OSBPL10: variants seen among roughly 807,000 people sequenced by gnomAD.
The protein encoded by OSBPL10 is oxysterol-binding protein-related protein 10.
Under a neutral mutation model 81.7 loss-of-function variants are expected in OSBPL10, and 49 were observed. That is an observed-to-expected ratio of 0.60 (90% CI 0.48 to 0.76). The LOEUF (loss-of-function observed/expected upper bound fraction) is 0.76, where lower values mean the gene tolerates loss of function less well. Among genes scored for constraint, OSBPL10 ranks in the 30% least tolerant of loss-of-function variants. The probability of loss-of-function intolerance (pLI) is 0.00; values close to 1 mark genes in which losing one functional copy is unlikely to be tolerated. For synonymous variants in OSBPL10, 419 were observed against 383.6 expected (o/e 1.09, Z -1.08); for missense variants, 923 against 987.8 (o/e 0.93, Z 0.88).
intron 1 of OSBPL10, among the ~76,000 whole-genome samples, chr3:31,933,078 A>T (rs1697292296): frequency 6.6e-6 from 1 of 152,214 alleles, no homozygotes; most frequent in Admixed American, 6.5e-5. Context: ...AGCAACTCAG[A>T]AGAGTTTAAA....
chr3:31,685,225 C>T (rs1416930411), intron 7 of OSBPL10, among the ~76,000 whole-genome samples: 1 of 152,174 alleles, frequency 6.6e-6, no homozygotes, highest in South Asian at 2.1e-4. Context: ...TGTTTTGAGA[C>T]AGAGTCACCT....
intron 7 of OSBPL10, among the ~76,000 whole-genome samples, chr3:31,690,153 C>T (rs1024425260): frequency 4.6e-5 from 7 of 152,166 alleles, no homozygotes; most frequent in East Asian, 3.9e-4. Flanking sequence ...GTGTTGGAGA[C>T]GGGGCCTGAT....
intron 7 of OSBPL10, among the ~76,000 whole-genome samples, chr3:31,697,462 T>G (rs1381280700): frequency 6.6e-6 from 1 of 151,978 alleles, no homozygotes; most frequent in Non-Finnish European, 1.5e-5. Flanking sequence ...CAATTAATAA[T>G]AAAACAATAA....
chr3:31,947,931 T>C (rs1697748382), intron 1 of OSBPL10, among the ~76,000 whole-genome samples: 1 of 151,356 alleles, frequency 6.6e-6, no homozygotes, highest in Non-Finnish European at 1.5e-5. Context: ...AAGTAAACTG[T>C]ACAAAGTTTG....
At chr3:31,775,701 C>T (rs534429350) in intron 4 of OSBPL10, among the ~76,000 whole-genome samples, 11 of 151,866 alleles carry the variant, frequency 7.2e-5, no homozygotes, top group African/African-American at 2.2e-4. Context: ...CACAGTGTGA[C>T]GATGACAGGA....
At chr3:31,760,119 T>G (rs1475307850) in intron 4 of OSBPL10, among the ~76,000 whole-genome samples, 4 of 152,286 alleles carry the variant, frequency 2.6e-5, no homozygotes, top group African/African-American at 9.6e-5. Context: ...ATTCATTAAG[T>G]GGAAGTGAAT....
chr3:31,822,227 G>A (rs575805523), intron 4 of OSBPL10: 2 of 152,298 alleles, frequency 1.3e-5, no homozygotes, highest in African/African-American at 2.4e-5. Context: ...GCTTTCCTCT[G>A]TCAGGAGAGT....
chr3:31,953,277 G>A (rs1384814098), intron 1 of OSBPL10, among the ~76,000 whole-genome samples: 2 of 151,868 alleles, frequency 1.3e-5, no homozygotes, highest in South Asian at 2.1e-4. Context: ...ACCTCTCCAC[G>A]GGACAGAAGC....
chr3:31,828,272 C>T (rs1164452781), intron 4 of OSBPL10, among the ~76,000 whole-genome samples: 2 of 152,016 alleles, frequency 1.3e-5, no homozygotes, highest in Non-Finnish European at 2.9e-5. Flanking sequence ...TAAAACTTAA[C>T]TATTCTTTAA....
At chr3:31,821,260 C>T (rs1699978376) in intron 4 of OSBPL10, among the ~76,000 whole-genome samples, 1 of 152,040 alleles carries the variant, frequency 6.6e-6, no homozygotes, top group East Asian at 1.9e-4. Flanking sequence ...CCTTAGTGGA[C>T]AACCAAATCC....
intron 4 of OSBPL10, among the ~76,000 whole-genome samples, chr3:31,749,784 C>T (rs1273013190): frequency 6.6e-6 from 1 of 151,818 alleles, no homozygotes; most frequent in African/African-American, 2.4e-5. Context: ...CACTGTGCTC[C>T]AGCCTGGGTG....
intron 2 of OSBPL10, among the ~76,000 whole-genome samples, chr3:31,877,118 G>C (rs902751011): frequency 6.6e-6 from 1 of 152,064 alleles, no homozygotes; most frequent in Non-Finnish European, 1.5e-5. Flanking sequence ...TGTTAGCCAG[G>C]ATGGTCTCAA....
intron 10 of OSBPL10, among the ~76,000 whole-genome samples, chr3:31,665,765 C>T (rs189337572): frequency 4.9e-4 from 74 of 152,300 alleles, no homozygotes; most frequent in Non-Finnish European, 8.1e-4. Flanking sequence ...CAGTAATTCT[C>T]ATCACACAGC....
intron 5 of OSBPL10, among the ~76,000 whole-genome samples, chr3:31,735,214 G>A (rs1697114512): frequency 6.6e-6 from 1 of 152,234 alleles, no homozygotes; most frequent in South Asian, 2.1e-4. Flanking sequence ...TGAGGCGGGT[G>A]AATCACTTGA....
intron 3 of OSBPL10, among the ~76,000 whole-genome samples, chr3:31,868,107 C>G (rs1011829061): frequency 2.0e-5 from 3 of 151,366 alleles, no homozygotes; most frequent in Non-Finnish European, 2.9e-5. Context: ...AGTCATGTGT[C>G]TCTCTGCATT....
chr3:31,696,315 A>G (rs1365820677), intron 7 of OSBPL10, among the ~76,000 whole-genome samples: 1 of 152,208 alleles, frequency 6.6e-6, no homozygotes, highest in South Asian at 2.1e-4. Flanking sequence ...TCAGCATTCA[A>G]GCATCTTAAG....
At chr3:31,738,336 T>A (rs748227898) in intron 5 of OSBPL10, among the ~76,000 whole-genome samples, 3 of 144,816 alleles carry the variant, frequency 2.1e-5, no homozygotes, top group Admixed American at 6.9e-5. Flanking sequence ...ATAACAAAAA[T>A]CAAGAGAAAA....
chr3:31,671,323 G>T (rs1700318840), intron 8 of OSBPL10, among the ~76,000 whole-genome samples: 2 of 152,198 alleles, frequency 1.3e-5, no homozygotes, highest in South Asian at 4.1e-4. Context: ...ACCTGGTAAG[G>T]GAAGGTTTCC....
chr3:31,794,452 C>T, intron 4 of OSBPL10: 1 of 185,756 alleles, frequency 5.4e-6, no homozygotes, highest in Non-Finnish European at 1.2e-5. Context: ...CCGCTCCCGG[C>T]CTTCCTCACA....
Sources: allele counts gnomAD v4.1 joint callset (sites outside exome capture counted in the v4.1 genomes callset), GRCh38; gene constraint gnomAD v4.1.1; transcripts MANE v1.5; gene names NCBI Gene and HGNC (gene_info 2026-07-23, HGNC 2026-07-21).